Variants in CEP192 observed in about 807,000 individuals in gnomAD.
CEP192 encodes centrosomal protein 192, also known as centrosomal protein of 192 kDa.
Under a neutral mutation model 271.8 loss-of-function variants are expected in CEP192, and 151 were observed. The ratio of observed to expected loss-of-function variants is 0.56; its 90% CI spans 0.49 to 0.64. CEP192 has a LOEUF of 0.64. Among genes scored for constraint, CEP192 ranks in the 30% least tolerant of loss-of-function variants. The pLI is 0.00. For synonymous variants in CEP192, 995 were observed against 1,076.5 expected (o/e 0.92, Z 1.48); for missense variants, 2,910 against 3,020.5 (o/e 0.96, Z 0.86).
chr18:13,053,184 A>T (rs2036896717), intron 18 of CEP192, 94 bp downstream of exon 18: 1 of 1,002,044 alleles, frequency 1.0e-6, no homozygotes, highest in Non-Finnish European at 1.4e-6. Flanking sequence ...AGCCTATATA[A>T]CTTCAGTGTT....
chr18:13,098,331 C>T (rs2039517338), intron 36 of CEP192, among the ~76,000 whole-genome samples: 1 of 152,042 alleles, frequency 6.6e-6, no homozygotes, highest in South Asian at 2.1e-4. Flanking sequence ...TGACCCCCAC[C>T]TCCCTCCCGG....
At chr18:13,058,971 G>GT (rs1439009853) in intron 20 of CEP192, 111 bp from the exon 21 acceptor site, 1 of 711,418 alleles carries the variant, frequency 1.4e-6, no homozygotes, top group East Asian at 2.6e-5. Flanking sequence ...GATAATAAAT[G>GT]TTTTAATTTG....
At chr18:13,107,062 CAG>C (rs889839528) in intron 40 of CEP192, among the ~76,000 whole-genome samples, 2 of 152,126 alleles carry the variant, frequency 1.3e-5, no homozygotes, top group Non-Finnish European at 2.9e-5. Flanking sequence ...TGCCATGTAA[CAG>C]ATGTTATGTG....
Position 13,053,121 on chromosome 18 carries a change from A to G in CEP192, c.3189+31A>G, listed in dbSNP as rs773005829. On this transcript the variant is annotated intron_variant, in intron 18 of 44. Transcript: ENST00000506447. ...CAGCCACTTGGATTATTTATTACTAAGGCTTTCAACTCTTAAAAGTGTTAA... is the reference window on the plus strand; with the variant it reads ...CAGCCACTTGGATTATTTATTACTAGGGCTTTCAACTCTTAAAAGTGTTAA... The G allele has an allele frequency of 2.6e-6, 4 of 1,558,052 alleles. No individual in the cohort carries two copies. In the South Asian group the frequency reaches 4.7e-5, roughly 18 times the overall value.
chr18:13,056,298 T>TG lies in CEP192; in HGVS notation c.3709dup (p.Val1237GlyfsTer3). 6.2e-7 allele frequency: 1 copy of TG among 1,614,144 alleles called. No homozygotes were observed. On this transcript the variant is annotated frameshift_variant, in exon 19 of 45. Coordinates refer to ENST00000506447, the MANE Select transcript of CEP192 (RefSeq NM_032142.4). LOFTEE classifies it high-confidence loss of function. ...TTCCCAGCAGCACAGTTCACAGCTC[T>TG]GTGGCTGACATGCAGAACATGCCTG...
At chr18:13,024,918 C>T (rs113850593) in intron 9 of CEP192, among the ~76,000 whole-genome samples, 5,993 of 151,462 alleles carry the variant, frequency 0.04, 377 homozygotes, top group African/African-American at 0.14. Context: ...TACAATTGTG[C>T]GCCACCCCAC....
chr18:13,046,473 T>G (rs907011889), intron 15 of CEP192, among the ~76,000 whole-genome samples: 1 of 152,216 alleles, frequency 6.6e-6, no homozygotes, highest in South Asian at 2.1e-4. Flanking sequence ...ACCTAGACTT[T>G]GTTCTTTTTC....
chr18:13,050,045 A>G (rs955750593), intron 17 of CEP192, among the ~76,000 whole-genome samples, 154 bp downstream of exon 17: 7 of 151,992 alleles, frequency 4.6e-5, no homozygotes, highest in Admixed American at 3.9e-4. Flanking sequence ...TTTTCTGTGC[A>G]AACTTTTGTA....
intron 30 of CEP192, among the ~76,000 whole-genome samples, chr18:13,077,634 C>T (rs2038360449): frequency 6.6e-6 from 1 of 152,198 alleles, no homozygotes; most frequent in African/African-American, 2.4e-5. Flanking sequence ...AAGCCTGACT[C>T]TAGTGTGCTG....
chr18:13,055,771 T>G lies in CEP192; in HGVS notation c.3190-9T>G. On this transcript the variant is annotated splice_polypyrimidine_tract_variant and intron_variant, in intron 18 of 44. Transcript: ENST00000506447. The stretch of plus-strand genomic sequence containing the variant: ...GTGGATTATTAAAAACAAATTTTGT[T>G]GCACTCAGAGTGATATCACCAGCGA... 1 of 1,520,300 alleles carries G rather than the reference T, an allele frequency of 6.6e-7. No individual in the cohort carries two copies. Among genetic ancestry groups the G allele is most frequent in the Non-Finnish European group, 8.8e-7 (1 of 1,136,094 alleles). 94.2% of individuals were successfully genotyped at this position (1,520,300 alleles called of 1,614,324 possible).
Position 13,049,430 on chromosome 18 carries a change from A to C in CEP192, c.2639A>C (p.Lys880Thr), listed in dbSNP as rs773981560. The change falls in exon 16 of 45, where the codon AAG becomes ACG. Residue 880 changes from lysine (K) to threonine (T), a missense_variant. Coordinates refer to ENST00000506447, the MANE Select transcript of CEP192 (RefSeq NM_032142.4). ...AATAACAGTGCAGTAGTTGATGTGA[A>C]GACATGTTCCATTGACAACAAATTA... Reference protein sequence around the residue: ...RENNSAVVDVKTCSIDNKLQD... With the variant: ...RENNSAVVDVTTCSIDNKLQD... 5 of 1,614,048 alleles carry C rather than the reference A, an allele frequency of 3.1e-6. No individual in the cohort carries two copies. Among genetic ancestry groups the C allele is most frequent in the Non-Finnish European group, 4.2e-6 (5 of 1,180,018 alleles).
intron 9 of CEP192, among the ~76,000 whole-genome samples, chr18:13,026,216 A>C (rs1461135986): frequency 6.6e-6 from 1 of 152,146 alleles, no homozygotes; most frequent in African/African-American, 2.4e-5. Flanking sequence ...TCTGAGGAGA[A>C]GCCAAATGTC....
chr18:13,028,891 C>G (rs544312544), intron 9 of CEP192, among the ~76,000 whole-genome samples: 73 of 152,304 alleles, frequency 4.8e-4, no homozygotes, highest in African/African-American at 1.7e-3. Flanking sequence ...GGATTTGAAC[C>G]TATGTCTTTC....
At chr18:13,107,518 A>G (rs534928062) in intron 40 of CEP192, among the ~76,000 whole-genome samples, 3 of 152,340 alleles carry the variant, frequency 2.0e-5, no homozygotes, top group African/African-American at 7.2e-5. Context: ...GGTTTTCATT[A>G]GCTCCAAACT....
intron 9 of CEP192, among the ~76,000 whole-genome samples, chr18:13,028,563 A>C (rs966485148): frequency 1.3e-5 from 2 of 152,152 alleles, no homozygotes; most frequent in South Asian, 4.1e-4. Flanking sequence ...CTTGTCCCCC[A>C]GGCTGGAGTG....
intron 11 of CEP192, among the ~76,000 whole-genome samples, chr18:13,033,849 T>A (rs1252633338): frequency 2.0e-5 from 3 of 152,162 alleles, no homozygotes; most frequent in Admixed American, 2.0e-4. Context: ...GAGGGGAGGA[T>A]GTACATACAG....
chr18:13,059,084 G>A lies in CEP192; in HGVS notation c.4260G>A (p.Val1420=). ...AACTTTATGGCTCTTTTTTGAAGGT[G>A]GATCTTTCAACATATCGTTGTTTAG... ...VLSISVNGEK[V]DLSTYRCLVF... is the part of the protein sequence containing the mutation. The change falls in exon 21 of 45, where the codon GTG becomes GTA. Residue 1420 remains valine, a splice_region_variant and synonymous_variant. Coordinates refer to ENST00000506447, the MANE Select transcript of CEP192 (RefSeq NM_032142.4). 1 of 1,605,464 alleles carries A rather than the reference G, an allele frequency of 6.2e-7. No individual in the cohort carries two copies. Among genetic ancestry groups the A allele is most frequent in the Non-Finnish European group, 8.5e-7 (1 of 1,172,524 alleles).
At chr18:13,074,851 T>G (rs549680640) in intron 30 of CEP192, among the ~76,000 whole-genome samples, 1 of 152,334 alleles carries the variant, frequency 6.6e-6, no homozygotes, top group African/African-American at 2.4e-5. Context: ...TACTTACCTC[T>G]CTCATCTCAT....
intron 15 of CEP192, among the ~76,000 whole-genome samples, chr18:13,043,663 C>G (rs950824113): frequency 6.6e-6 from 1 of 152,124 alleles, no homozygotes; most frequent in African/African-American, 2.4e-5. Context: ...CACCAACAAC[C>G]CTGTTGGACT....
Sources: allele counts gnomAD v4.1 joint callset (sites outside exome capture counted in the v4.1 genomes callset), GRCh38; gene constraint gnomAD v4.1.1; transcripts MANE v1.5; gene names NCBI Gene and HGNC (gene_info 2026-07-23, HGNC 2026-07-21).